CDC20B: variants seen among roughly 807,000 people sequenced by gnomAD.
CDC20B encodes cell division cycle 20B.
Under a neutral mutation model 64.1 loss-of-function variants are expected in CDC20B, and 58 were observed. The ratio of observed to expected loss-of-function variants is 0.90; its 90% CI spans 0.73 to 1.13. The LOEUF (loss-of-function observed/expected upper bound fraction) is 1.13, where lower values mean the gene tolerates loss of function less well. Ranked by LOEUF, CDC20B falls within the 50% of genes most tolerant of loss-of-function variation. The pLI is 0.00. For missense variants in CDC20B, 597 were observed against 633.0 expected (o/e 0.94, Z 0.61); for synonymous variants, 243 against 230.6 (o/e 1.05, Z -0.49).
intron 5 of CDC20B, among the ~76,000 whole-genome samples, chr5:55,139,639 G>A (rs1277004733): frequency 6.6e-6 from 1 of 152,182 alleles, no homozygotes; most frequent in Non-Finnish European, 1.5e-5. Flanking sequence ...GTGAATAATA[G>A]TTGTGTAGTA....
chr5:55,134,333 CAT>C (rs977087917), intron 5 of CDC20B, among the ~76,000 whole-genome samples: 10 of 152,104 alleles, frequency 6.6e-5, no homozygotes, highest in African/African-American at 1.9e-4. Context: ...AATTGTTACT[CAT>C]AAATTCCTGC....
chr5:55,122,757 C>T (rs1284018664), intron 9 of CDC20B, among the ~76,000 whole-genome samples: 3 of 152,124 alleles, frequency 2.0e-5, no homozygotes, highest in Admixed American at 2.0e-4. Context: ...TGAGGAAACC[C>T]AAATCAGCCC....
intron 9 of CDC20B, among the ~76,000 whole-genome samples, chr5:55,120,998 A>G (rs1742741840): frequency 6.6e-6 from 1 of 152,190 alleles, no homozygotes; most frequent in Non-Finnish European, 1.5e-5. Flanking sequence ...ACTATATGTG[A>G]TTGCTCACAA....
chr5:55,141,966 C>T lies in CDC20B; in HGVS notation c.486+1547G>A, dbSNP rs147948849. Among the ~76,000 whole-genome samples the T allele has an allele frequency of 1.9e-3, 285 of 152,184 alleles. 2 individuals are homozygous for T. The South Asian group carries it at 0.028, about 15-fold the overall frequency. ...AGTAAAATCACCCTGAGTTGAGAACCGTTAGTATAAAATAATATTCCTAAA... is the reference window on the plus strand; with the variant it reads ...AGTAAAATCACCCTGAGTTGAGAACTGTTAGTATAAAATAATATTCCTAAA... On this transcript the variant is annotated intron_variant, in intron 4 of 11. Transcript: ENST00000381375.
At chr5:55,168,439 T>C (rs1199815459) in intron 2 of CDC20B, among the ~76,000 whole-genome samples, 2 of 152,088 alleles carry the variant, frequency 1.3e-5, no homozygotes, top group African/African-American at 2.4e-5. Context: ...CATCCCAGTG[T>C]GTATCCCTTT....
chr5:55,157,800 T>C (rs1743856899), intron 2 of CDC20B, among the ~76,000 whole-genome samples: 2 of 152,256 alleles, frequency 1.3e-5, no homozygotes, highest in African/African-American at 4.8e-5. Flanking sequence ...AATATCACCC[T>C]AGGGGGCCCT....
At chr5:55,161,011 C>A (rs1342210323) in intron 2 of CDC20B, 3 of 1,612,940 alleles carry the variant, frequency 1.9e-6, no homozygotes, top group Non-Finnish European at 1.7e-6. Flanking sequence ...TAGTTGTAAA[C>A]GTGGCCAGTG....
chr5:55,120,357 T>A, intron 10 of CDC20B, 68 bp downstream of exon 10: 3 of 1,583,364 alleles, frequency 1.9e-6, no homozygotes, highest in Non-Finnish European at 2.6e-6. Flanking sequence ...GCATAGGCTC[T>A]GTTGTAAACT....
intron 2 of CDC20B, among the ~76,000 whole-genome samples, chr5:55,147,243 CATAAAT>C (rs1743517146): frequency 8.8e-6 from 1 of 113,870 alleles, no homozygotes; most frequent in African/African-American, 3.4e-5. Context: ...ATTATATAAA[CATAAAT>C]ATGTTATGTT....
intron 2 of CDC20B, chr5:55,161,371 C>G (rs1191485588): frequency 5.9e-6 from 6 of 1,023,376 alleles, no homozygotes; most frequent in Non-Finnish European, 7.1e-6. Context: ...CTTCATAAAA[C>G]TATCATCAAA....
At chr5:55,166,400 G>A (rs943724770) in intron 2 of CDC20B, 4 of 152,198 alleles carry the variant, frequency 2.6e-5, no homozygotes, top group South Asian at 2.1e-4. Flanking sequence ...GTCAGTGCTG[G>A]ATTTTCTCCC....
At chr5:55,170,071 G>A (rs1206367589) in intron 2 of CDC20B, among the ~76,000 whole-genome samples, 2 of 151,566 alleles carry the variant, frequency 1.3e-5, no homozygotes, top group African/African-American at 4.8e-5. Context: ...CCGAGATCGC[G>A]CCACTGTACT....
At chr5:55,170,501 A>C (rs1744560996) in intron 2 of CDC20B, 1 of 533,880 alleles carries the variant, frequency 1.9e-6, no homozygotes, top group Non-Finnish European at 3.9e-6. Flanking sequence ...ACACACACTA[A>C]TTACAGATTC....
intron 2 of CDC20B, chr5:55,160,264 T>G: frequency 6.2e-7 from 1 of 1,613,972 alleles, no homozygotes; most frequent in Non-Finnish European, 8.5e-7. Context: ...TTTTGCTGTC[T>G]ATAGTTCTAT....
intron 6 of CDC20B, among the ~76,000 whole-genome samples, chr5:55,132,830 A>G (rs1223547468): frequency 6.6e-6 from 1 of 152,196 alleles, no homozygotes; most frequent in South Asian, 2.1e-4. Context: ...TGCCTTCTTC[A>G]TGCTGTTAAC....
At chr5:55,131,288 A>G (rs1743022460) in intron 6 of CDC20B, among the ~76,000 whole-genome samples, 1 of 152,250 alleles carries the variant, frequency 6.6e-6, no homozygotes. Context: ...TAAGAAAGTT[A>G]AAATTACATT....
At chr5:55,154,640 T>A (rs922550017) in intron 2 of CDC20B, among the ~76,000 whole-genome samples, 3 of 152,114 alleles carry the variant, frequency 2.0e-5, no homozygotes, top group Non-Finnish European at 4.4e-5. Flanking sequence ...CCAGGACCCA[T>A]GAAGGGGTAG....
At chr5:55,127,708 A>G (rs1742929948) in intron 7 of CDC20B, among the ~76,000 whole-genome samples, 1 of 152,212 alleles carries the variant, frequency 6.6e-6, no homozygotes, top group South Asian at 2.1e-4. Flanking sequence ...AGTTACCAAC[A>G]AATGTATTAA....
chr5:55,142,617 T>C (rs1743359621), intron 4 of CDC20B, among the ~76,000 whole-genome samples: 1 of 152,090 alleles, frequency 6.6e-6, no homozygotes, highest in South Asian at 2.1e-4. Context: ...ATCTGGCCCA[T>C]GTTTGAGGCC....
Sources: gnomAD v4.1 joint callset for allele counts (sites outside exome capture counted in the v4.1 genomes callset) on GRCh38, gnomAD v4.1.1 for gene constraint, MANE v1.5 for transcripts, NCBI Gene and HGNC (gene_info 2026-07-23, HGNC 2026-07-21) for gene names.